The following SUGCT variants were observed in gnomAD, a reference collection of about 807,000 sequenced individuals.
SUGCT encodes the protein succinyl-CoA:glutarate CoA-transferase.
In SUGCT, 41 loss-of-function variants were observed where a neutral mutation model predicts 55.0. The ratio of observed to expected loss-of-function variants is 0.74; its 90% CI spans 0.58 to 0.97. SUGCT has a LOEUF of 0.97. Ranked by LOEUF, SUGCT falls within the 50% of genes least tolerant of loss-of-function variation. The pLI, the probability that SUGCT is intolerant of heterozygous loss-of-function variation, is 0.00. For synonymous variants in SUGCT, 187 were observed against 200.4 expected, an observed-to-expected ratio of 0.93 and a Z score of 0.56; for missense variants, 568 against 547.8, an observed-to-expected ratio of 1.04 and a Z score of -0.37.
intron 13 of SUGCT, among the ~76,000 whole-genome samples, chr7:40,834,777 G>T (rs7809981): frequency 0.25 from 38,081 of 151,964 alleles, 5,750 homozygotes; most frequent in East Asian, 0.79. Flanking sequence ...TCTTTTAACC[G>T]GCAAAAGAAT....
intron 1 of SUGCT, among the ~76,000 whole-genome samples, chr7:40,156,822 C>T (rs1316513507): frequency 1.3e-5 from 2 of 152,144 alleles, no homozygotes; most frequent in Admixed American, 6.5e-5. Flanking sequence ...CGAGACCAGC[C>T]TGGCCAACGT....
At chr7:40,893,238 A>G in the SUGCT span, among the ~76,000 whole-genome samples, 1 of 152,150 alleles carries the variant, frequency 6.6e-6, no homozygotes, top group Non-Finnish European at 1.5e-5. Flanking sequence ...GGACTTCAAT[A>G]CCCCACTCTC....
At chr7:40,481,335 C>A (rs555022312) in intron 11 of SUGCT, among the ~76,000 whole-genome samples, 4 of 151,176 alleles carry the variant, frequency 2.6e-5, no homozygotes, top group South Asian at 4.2e-4. Context: ...GAGACCCTAC[C>A]TCAAGAAAAG....
At chr7:40,212,202 G>C (rs961411144) in intron 6 of SUGCT, among the ~76,000 whole-genome samples, 1 of 150,946 alleles carries the variant, frequency 6.6e-6, no homozygotes, top group African/African-American at 2.4e-5. Flanking sequence ...CTTCCACCTC[G>C]GTCTCCCAAG....
At position 40,538,137 on chromosome 7, in the gene SUGCT, G is replaced by T. The variant is rs1583926722; in HGVS notation, c.1089+41751G>T. On this transcript the variant is annotated intron_variant, in intron 12 of 13. Transcript: ENST00000335693. ...TATTATACCATAAACTGTGCTTTAGGTAGTCCAGTTTTATTGCTATGATTA... is the reference window on the plus strand; with the variant it reads ...TATTATACCATAAACTGTGCTTTAGTTAGTCCAGTTTTATTGCTATGATTA... The T allele has an allele frequency of 1.3e-5, 2 of 152,086 alleles. 1 individual carries two copies. Among genetic ancestry groups the T allele is most frequent in the South Asian group, 4.2e-4 (2 of 4,812 alleles). 9.4% of individuals were successfully genotyped at this position (152,086 alleles called of 1,614,324 possible).
chr7:40,458,898 G>A (rs1789632372), intron 10 of SUGCT, among the ~76,000 whole-genome samples: 1 of 152,152 alleles, frequency 6.6e-6, no homozygotes, highest in African/African-American at 2.4e-5. Context: ...TGTAGTAAAA[G>A]CCTCTTATGA....
At chr7:40,826,660 G>C (rs1359751316) in intron 13 of SUGCT, among the ~76,000 whole-genome samples, 1 of 152,186 alleles carries the variant, frequency 6.6e-6, no homozygotes, top group African/African-American at 2.4e-5. Context: ...CATTTAAACA[G>C]TATGTGGAGA....
intron 7 of SUGCT, among the ~76,000 whole-genome samples, chr7:40,246,241 A>G (rs1188359050): frequency 7.0e-6 from 1 of 142,508 alleles, no homozygotes; most frequent in East Asian, 2.1e-4. Context: ...GTAGAACCAT[A>G]TAGCATGTTC....
chr7:40,998,476 T>C, the SUGCT span, among the ~76,000 whole-genome samples: 3,221 of 152,294 alleles, frequency 0.021, 109 homozygotes, highest in African/African-American at 0.073. Context: ...AAAAATGTTG[T>C]AGTCCTATGG....
the SUGCT span, among the ~76,000 whole-genome samples, chr7:40,886,269 G>A: frequency 8.5e-5 from 13 of 152,106 alleles, no homozygotes; most frequent in African/African-American, 3.1e-4. Context: ...TATCTCGTAG[G>A]TACTATGTTA....
In SUGCT at chr7:40,723,147, A is replaced by T. The variant is rs533292499; in HGVS notation, c.1090-26287A>T. On this transcript the variant is annotated intron_variant, in intron 12 of 13. Coordinates refer to ENST00000335693, the MANE Select transcript of SUGCT (RefSeq NM_001193313.2). ...TCATACTATTTCATAAGCACACGAG[A>T]TGCATTTATGTGAGGCTGGACCTTA... Among the ~76,000 whole-genome samples, 20 of 152,122 alleles carry T rather than the reference A, an allele frequency of 1.3e-4. No homozygotes were observed. The South Asian group carries it at 3.9e-3, about 30-fold the overall frequency.
chr7:40,939,759 C>A, the SUGCT span, among the ~76,000 whole-genome samples: 1 of 151,980 alleles, frequency 6.6e-6, no homozygotes, highest in East Asian at 1.9e-4. Context: ...GATTTGAGTT[C>A]CTTGTAGATT....
At chr7:40,428,986 T>C (rs1236868000) in intron 9 of SUGCT, among the ~76,000 whole-genome samples, 1 of 152,158 alleles carries the variant, frequency 6.6e-6, no homozygotes, top group Non-Finnish European at 1.5e-5. Context: ...TTTCTCCTCC[T>C]TTTTTTCTTT....
At chr7:40,336,637 CT>C (rs1189050790) in intron 9 of SUGCT, among the ~76,000 whole-genome samples, 2 of 152,128 alleles carry the variant, frequency 1.3e-5, no homozygotes, top group Non-Finnish European at 2.9e-5. Context: ...ATTCTTCTCT[CT>C]TTTCTTCTTT....
chr7:40,887,086 C>T, the SUGCT span, among the ~76,000 whole-genome samples: 1 of 152,122 alleles, frequency 6.6e-6, no homozygotes, highest in Non-Finnish European at 1.5e-5. Context: ...TTGAGGACCT[C>T]AAGGTGGAAA....
intron 12 of SUGCT, among the ~76,000 whole-genome samples, chr7:40,602,968 G>A (rs1468572704): frequency 1.3e-5 from 2 of 152,170 alleles, no homozygotes; most frequent in Non-Finnish European, 2.9e-5. Context: ...GTAGTGATGG[G>A]ATGTTGGAAC....
chr7:40,267,054 GAAAA>G (rs946068528), intron 7 of SUGCT, among the ~76,000 whole-genome samples: 1 of 149,860 alleles, frequency 6.7e-6, no homozygotes, highest in East Asian at 2.0e-4. Context: ...AAAAAAGGAA[GAAAA>G]AAAGAAAATA....
the SUGCT span, among the ~76,000 whole-genome samples, chr7:40,981,980 T>C: frequency 2.0e-5 from 3 of 152,230 alleles, no homozygotes; most frequent in African/African-American, 7.2e-5. Context: ...TCTGGGCATC[T>C]TGTGGCCCCG....
chr7:40,596,162 TAAAAC>T (rs745682527), intron 12 of SUGCT, among the ~76,000 whole-genome samples: 18 of 152,212 alleles, frequency 1.2e-4, no homozygotes, highest in Non-Finnish European at 1.8e-4. Flanking sequence ...TTGTTAATAA[TAAAAC>T]AAACTGTTCA....
Sources: allele counts gnomAD v4.1 joint callset (sites outside exome capture counted in the v4.1 genomes callset), GRCh38; gene constraint gnomAD v4.1.1; transcripts MANE v1.5; gene names NCBI Gene and HGNC (gene_info 2026-07-23, HGNC 2026-07-21).